ZSCAN5A: variants seen among roughly 807,000 people sequenced by gnomAD.
ZSCAN5A encodes the protein zinc finger and SCAN domain-containing protein 5A.
Under a neutral mutation model 23.7 loss-of-function variants are expected in ZSCAN5A, and 12 were observed. That is an observed-to-expected ratio of 0.51 (90% CI 0.32 to 0.82). The LOEUF (loss-of-function observed/expected upper bound fraction) is 0.82, where lower values mean the gene tolerates loss of function less well. Among genes scored for constraint, ZSCAN5A ranks in the 40% least tolerant of loss-of-function variants. ZSCAN5A has a pLI of 0.03. For missense variants in ZSCAN5A, 597 were observed against 617.9 expected, an observed-to-expected ratio of 0.97 and a Z score of 0.36; for synonymous variants, 257 against 239.9, an observed-to-expected ratio of 1.07 and a Z score of -0.66.
At position 56,355,369 on chromosome 19, in the gene ZSCAN5A, T is replaced by C. The variant is rs149016060; in HGVS notation, c.-358+7866A>G. Among the ~76,000 whole-genome samples, 4 of 149,090 alleles carry C rather than the reference T, an allele frequency of 2.7e-5. No individual in the cohort carries two copies. The East Asian group carries it at 7.7e-4, about 29-fold the overall frequency. On this transcript the variant is annotated intron_variant, in intron 2 of 6. Coordinates refer to the ZSCAN5A transcript ENST00000587340. ...GTTCTAATATTACAGTGTCACAATG[T>C]ATTAATACTGTGCTGTATTTCTATT... is the stretch of plus-strand genomic sequence containing the variant.
At chr19:56,306,220 G>T (rs73937232) in intron 2 of ZSCAN5A, among the ~76,000 whole-genome samples, 10,676 of 152,278 alleles carry the variant, frequency 0.07, 573 homozygotes, top group East Asian at 0.24. Context: ...CCAGGGTACG[G>T]AGAGAAAGTA....
intron 2 of ZSCAN5A, among the ~76,000 whole-genome samples, chr19:56,254,187 A>G (rs2146775258): frequency 6.6e-6 from 1 of 151,896 alleles, no homozygotes; most frequent in East Asian, 1.9e-4. Flanking sequence ...TTTAAATTTT[A>G]TAATGAAATA....
intron 2 of ZSCAN5A, among the ~76,000 whole-genome samples, chr19:56,300,217 T>C (rs2040138446): frequency 6.6e-6 from 1 of 152,090 alleles, no homozygotes; most frequent in Admixed American, 6.6e-5. Context: ...GCGAAGAGAC[T>C]GCAAAGACAG....
intron 2 of ZSCAN5A, among the ~76,000 whole-genome samples, chr19:56,299,030 T>TA (rs1204865764): frequency 6.6e-6 from 1 of 152,166 alleles, no homozygotes; most frequent in East Asian, 1.9e-4. Context: ...GTTTAATAGG[T>TA]AAAAACAAAT....
chr19:56,255,592 C>T (rs187811375), intron 2 of ZSCAN5A, among the ~76,000 whole-genome samples: 152 of 152,032 alleles, frequency 1.0e-3, no homozygotes, highest in Non-Finnish European at 4.7e-4. Flanking sequence ...TGTGACCCAA[C>T]GTGGTTTTTC....
intron 1 of ZSCAN5A, among the ~76,000 whole-genome samples, chr19:56,363,774 A>T (rs2041748303): frequency 6.6e-6 from 1 of 152,264 alleles, no homozygotes; most frequent in Non-Finnish European, 1.5e-5. Flanking sequence ...ATTTCTAAGC[A>T]GCAAAGTGTT....
At chr19:56,342,471 G>T in intron 2 of ZSCAN5A, 1 of 399,584 alleles carries the variant, frequency 2.5e-6, no homozygotes, top group Non-Finnish European at 5.1e-6. Flanking sequence ...ATTTTCATAG[G>T]CAAATTCTGT....
At chr19:56,228,819 T>C (rs973060711) in intron 2 of ZSCAN5A, among the ~76,000 whole-genome samples, 3 of 152,202 alleles carry the variant, frequency 2.0e-5, no homozygotes, top group Non-Finnish European at 2.9e-5. Context: ...TTTTTTATTT[T>C]TTAAAAAGAA....
At chr19:56,246,654 C>T in intron 2 of ZSCAN5A, 1 of 767,966 alleles carries the variant, frequency 1.3e-6, no homozygotes, top group Non-Finnish European at 2.2e-6. Flanking sequence ...CAGCCAACAT[C>T]AGTGTTTGGT....
chr19:56,258,525 G>T (rs2036890141), intron 2 of ZSCAN5A, among the ~76,000 whole-genome samples: 1 of 149,436 alleles, frequency 6.7e-6, no homozygotes, highest in Non-Finnish European at 1.5e-5. Flanking sequence ...AGTGTGGGGG[G>T]GTGACAGACA....
chr19:56,317,314 C>G (rs1485443471), upstream of ZSCAN5A: 4 of 152,490 alleles, frequency 2.6e-5, no homozygotes, highest in African/African-American at 9.6e-5. Context: ...CACCCAGACA[C>G]TGCAGGACAC....
intron 2 of ZSCAN5A, among the ~76,000 whole-genome samples, chr19:56,268,438 A>ATGCTGC (rs376972677): frequency 1.3e-5 from 2 of 152,136 alleles, no homozygotes; most frequent in Admixed American, 6.5e-5. Context: ...GAAGCCTCAG[A>ATGCTGC]TGCTGCTGCT....
intron 2 of ZSCAN5A, chr19:56,302,710 T>C (rs4801700): frequency 0.67 from 228,927 of 341,280 alleles, 77,714 homozygotes; most frequent in Non-Finnish European, 0.74. Context: ...TCTCTTTCCT[T>C]CTTCCCTCCC....
chr19:56,345,105 C>CA (rs61541169), intron 2 of ZSCAN5A, among the ~76,000 whole-genome samples: 8,253 of 142,334 alleles, frequency 0.058, 240 homozygotes, highest in Middle Eastern at 0.11. Context: ...GACTACATCT[C>CA]AAAAAAAAAA....
chr19:56,329,939 T>C (rs1476172376), intron 2 of ZSCAN5A, among the ~76,000 whole-genome samples: 1 of 152,188 alleles, frequency 6.6e-6, no homozygotes. Context: ...GTCACTCAGA[T>C]AGAAAGCACA....
intron 2 of ZSCAN5A, among the ~76,000 whole-genome samples, chr19:56,353,507 C>G (rs1301444090): frequency 6.6e-6 from 1 of 152,076 alleles, no homozygotes; most frequent in Non-Finnish European, 1.5e-5. Flanking sequence ...CGGTGGCTCA[C>G]GCCTGTAATC....
intron 2 of ZSCAN5A, among the ~76,000 whole-genome samples, chr19:56,262,096 C>T (rs573821638): frequency 3.2e-4 from 49 of 152,024 alleles, no homozygotes; most frequent in Non-Finnish European, 5.6e-4. Context: ...TCTCTGCAAC[C>T]TCTGCCTCCC....
At position 56,225,003 on chromosome 19, in the gene ZSCAN5A, C is replaced by G; in HGVS notation, c.44G>C (p.Cys15Ser). ...CTSSWSLGES[C>S]NRPGLELPRS... ...TGGCAGCTCCAACCCAGGTCTGTTG[C>G]AGGATTCTCCTAGACTCCATGAGGA... Residue 15 changes from cysteine (C) to serine (S), a missense_variant, in exon 3 of 6, where the codon TGC becomes TCC. This residue lies in a region of ZSCAN5A where 72 missense variants were observed against 76.8 expected (regional missense o/e 0.94). Transcript: ENST00000683990. 1 of 1,613,462 alleles carries G rather than the reference C, an allele frequency of 6.2e-7. No homozygotes were observed. The highest frequency in any genetic ancestry group is 8.5e-7 in the Non-Finnish European group (1 of 1,179,638).
chr19:56,359,674 C>A (rs117760739), intron 2 of ZSCAN5A, among the ~76,000 whole-genome samples: 9,960 of 152,210 alleles, frequency 0.065, 408 homozygotes, highest in East Asian at 0.14. Flanking sequence ...ATGTCAAAAT[C>A]CTCAATAAAA....
Sources: allele counts gnomAD v4.1 joint callset (sites outside exome capture counted in the v4.1 genomes callset), GRCh38; gene constraint gnomAD v4.1.1; regional missense constraint gnomAD v4.1.1; transcripts MANE v1.5; gene names NCBI Gene and HGNC (gene_info 2026-07-23, HGNC 2026-07-21).